Variants in GTF3C2 observed in about 807,000 individuals in gnomAD.
GTF3C2 encodes the protein general transcription factor 3C polypeptide 2.
In GTF3C2, 17 loss-of-function variants were observed where a neutral mutation model predicts 117.4. That is an observed-to-expected ratio of 0.14 (90% CI 0.10 to 0.22). The LOEUF (loss-of-function observed/expected upper bound fraction) is 0.22. Among genes scored for constraint, GTF3C2 ranks in the 10% least tolerant of loss-of-function variants. The pLI, the probability that GTF3C2 is intolerant of heterozygous loss-of-function variation, is 1.00. For missense variants in GTF3C2, 888 were observed against 1,143.6 expected (o/e 0.78, Z 3.22); for synonymous variants, 437 against 427.0 (o/e 1.02, Z -0.29).
chr2:27,343,276 G>T (rs772368840), intron 2 of GTF3C2, 32 bp downstream of exon 2: 2 of 1,601,114 alleles, frequency 1.2e-6, no homozygotes, highest in South Asian at 2.2e-5. Flanking sequence ...CTTGGCATGG[G>T]GAATAAAAAG....
intron 10 of GTF3C2, among the ~76,000 whole-genome samples, chr2:27,334,464 TTC>T (rs1404173229): frequency 6.6e-6 from 1 of 152,070 alleles, no homozygotes; most frequent in Admixed American, 6.6e-5. Flanking sequence ...ACACTGCTCA[TTC>T]TGTTATCCTC....
chr2:27,336,601 T>C (rs768941867), intron 7 of GTF3C2, 176 bp from the exon 8 acceptor site: 3 of 577,004 alleles, frequency 5.2e-6, no homozygotes, highest in African/African-American at 3.7e-5. Context: ...CTCCTTTCCT[T>C]CCCAAAGTCT....
intron 11 of GTF3C2, 64 bp from the exon 12 acceptor site, chr2:27,333,848 A>G: frequency 6.5e-7 from 1 of 1,533,436 alleles, no homozygotes; most frequent in South Asian, 1.1e-5. Context: ...ACGAAAGCTC[A>G]AATCAGTGCT....
At chr2:27,356,107 A>T (rs1477019238) in intron 1 of GTF3C2, 1 of 1,289,252 alleles carries the variant, frequency 7.8e-7, no homozygotes, top group East Asian at 5.5e-5. Flanking sequence ...CCTCCAACAA[A>T]GTGAGTTGCC....
At chr2:27,346,409 T>C (rs1191873171) in intron 1 of GTF3C2, among the ~76,000 whole-genome samples, 1 of 128,200 alleles carries the variant, frequency 7.8e-6, no homozygotes, top group African/African-American at 2.9e-5. Flanking sequence ...TGGAGTGCAA[T>C]GGTGCAATCA....
chr2:27,342,488 T>G, intron 3 of GTF3C2: 1 of 546,348 alleles, frequency 1.8e-6, no homozygotes, highest in East Asian at 3.0e-5. Context: ...ACATTTTTCA[T>G]CCTACCACAG....
chr2:27,353,176 T>C (rs1370030159), intron 1 of GTF3C2, among the ~76,000 whole-genome samples: 2 of 152,126 alleles, frequency 1.3e-5, no homozygotes, highest in Non-Finnish European at 2.9e-5. Context: ...GAGCAGATCA[T>C]GAGGTCAGGA....
intron 1 of GTF3C2, chr2:27,350,545 A>G (rs1432951743): frequency 9.2e-6 from 9 of 980,986 alleles, no homozygotes; most frequent in African/African-American, 1.7e-5. Context: ...CATGCCTGTA[A>G]TCTCAACACT....
At chr2:27,326,344 CCTT>C (rs1680072547) in exon 19 of GTF3C2, 2 of 467,916 alleles carry the variant, frequency 4.3e-6, no homozygotes, top group African/African-American at 2.0e-5. Flanking sequence ...ACACCCAGTA[CCTT>C]TACTTGGCTT....
At chr2:27,344,445 T>C (rs1232142337) in intron 1 of GTF3C2, among the ~76,000 whole-genome samples, 1 of 152,138 alleles carries the variant, frequency 6.6e-6, no homozygotes, top group Non-Finnish European at 1.5e-5. Context: ...GAATGCACAA[T>C]TATTTAACCT....
chr2:27,345,378 A>G (rs1680881090), intron 1 of GTF3C2, among the ~76,000 whole-genome samples: 1 of 152,186 alleles, frequency 6.6e-6, no homozygotes, highest in Non-Finnish European at 1.5e-5. Flanking sequence ...GTATTGCCTG[A>G]GGTCAGGAGT....
intron 1 of GTF3C2, among the ~76,000 whole-genome samples, chr2:27,348,661 G>A (rs1383535730): frequency 6.6e-6 from 1 of 150,794 alleles, no homozygotes; most frequent in East Asian, 2.0e-4. Context: ...AAAATTAGCT[G>A]GGCATGGTGG....
intron 5 of GTF3C2, 24 bp downstream of exon 5, chr2:27,337,902 C>T (rs754837572): frequency 1.3e-5 from 18 of 1,403,844 alleles, no homozygotes; most frequent in Non-Finnish European, 1.8e-5. Flanking sequence ...TTATTAACCC[C>T]AGCCCCCTGT....
chr2:27,338,985 C>T (rs1680611584), intron 4 of GTF3C2, among the ~76,000 whole-genome samples: 1 of 152,150 alleles, frequency 6.6e-6, no homozygotes, highest in African/African-American at 2.4e-5. Context: ...CATCTTTATG[C>T]CTGATTATCA....
chr2:27,329,472 C>T lies in GTF3C2; in HGVS notation c.1784G>A (p.Arg595Gln), dbSNP rs573699100. 4.3e-6 allele frequency: 7 copies of T among 1,614,000 alleles called. No homozygotes were observed. The Admixed American group carries it at 5.0e-5, about 12-fold the overall frequency. ...GAGCTTTAAGGAGCCATCAGAGAGC[C>T]GTATCCGCTGCAGGGGTGAGTTAGT... The change falls in exon 13 of 19, where the codon CGG becomes CAG. Residue 595 changes from arginine (R) to glutamine (Q), a missense_variant. By Grantham distance (43) the Arg-to-Gln change is conservative (BLOSUM62 1). Around this residue, in one of 7 missense-constraint regions of GTF3C2, gnomAD observed 277 missense variants for 445.4 expected, o/e 0.62. Coordinates refer to ENST00000264720, the Ensembl canonical transcript of GTF3C2. This position sits in a 1 kb window ranked among gnomAD's most constrained non-coding sequence, Gnocchi z 4.5.
At chr2:27,336,050 G>C in intron 8 of GTF3C2, 22 bp from the exon 9 acceptor site, 2 of 1,531,258 alleles carry the variant, frequency 1.3e-6, no homozygotes, top group South Asian at 2.2e-5. Context: ...GAGCATGTGG[G>C]GATGGTGGGT....
chr2:27,326,625 G>T, exon 19 of GTF3C2: 2 of 1,354,144 alleles, frequency 1.5e-6, no homozygotes, highest in Non-Finnish European at 2.1e-6. Context: ...GTGCATAGGG[G>T]CCATTTGTTC....
At chr2:27,352,335 T>C (rs978690883) in intron 1 of GTF3C2, among the ~76,000 whole-genome samples, 1 of 152,210 alleles carries the variant, frequency 6.6e-6, no homozygotes, top group Non-Finnish European at 1.5e-5. Flanking sequence ...CCCGATTCTC[T>C]GCAGATGATT....
chr2:27,332,588 G>T (rs1680316572), intron 12 of GTF3C2, among the ~76,000 whole-genome samples: 1 of 151,604 alleles, frequency 6.6e-6, no homozygotes, highest in South Asian at 2.1e-4. Flanking sequence ...GGAATTTTTT[G>T]TATTTTTAGT....
Sources: allele counts gnomAD v4.1 joint callset (sites outside exome capture counted in the v4.1 genomes callset), GRCh38; gene constraint gnomAD v4.1.1; regional missense constraint gnomAD v4.1.1; non-coding constraint Gnocchi (gnomAD v3.1); transcripts MANE v1.5; gene names NCBI Gene and HGNC (gene_info 2026-07-23, HGNC 2026-07-21).